ACBD6: variants seen among roughly 807,000 people sequenced by gnomAD.
The protein encoded by ACBD6 is acyl-CoA binding domain containing 6.
In ACBD6, 28 loss-of-function variants were observed where a neutral mutation model predicts 37.2. That is an observed-to-expected ratio of 0.75 (90% CI 0.56 to 1.03). The LOEUF (loss-of-function observed/expected upper bound fraction) is 1.03, where lower values mean the gene tolerates loss of function less well. Ranked by LOEUF, ACBD6 falls within the 50% of genes least tolerant of loss-of-function variation. ACBD6 has a pLI of 0.00. For synonymous variants in ACBD6, 113 were observed against 126.8 expected (o/e 0.89, Z 0.73); for missense variants, 340 against 337.4 (o/e 1.01, Z -0.06).
Position 180,478,203 on chromosome 1 carries a change from T to C in ACBD6, c.384+14066A>G, listed in dbSNP as rs549217144. 3.3e-5 allele frequency among the ~76,000 whole-genome samples: 5 copies of C among 152,204 alleles called. No homozygotes were observed. In the South Asian group the frequency reaches 6.2e-4, roughly 19 times the overall value. On this transcript the variant is annotated intron_variant, in intron 3 of 7. Transcript: ENST00000367595. ...TTATCTTTATTGAAATTATTATAAT[T>C]TTACATTAAAATGTATTTTTATTTA...
intron 5 of ACBD6, among the ~76,000 whole-genome samples, chr1:180,406,828 T>C (rs114463002): frequency 2.5e-3 from 377 of 152,276 alleles, no homozygotes; most frequent in African/African-American, 8.8e-3. Flanking sequence ...AATATCTCAA[T>C]TTCAAATATC....
At chr1:180,387,824 G>C (rs528677978) in intron 6 of ACBD6, among the ~76,000 whole-genome samples, 1 of 152,138 alleles carries the variant, frequency 6.6e-6, no homozygotes, top group East Asian at 1.9e-4. Flanking sequence ...GCACCCATTG[G>C]TATTTCTGGG....
At chr1:180,312,355 A>T (rs1020734653) in intron 7 of ACBD6, among the ~76,000 whole-genome samples, 18 of 151,824 alleles carry the variant, frequency 1.2e-4, no homozygotes, top group African/African-American at 3.6e-4. Context: ...AATGTTTTAA[A>T]TTTTTTTTAG....
chr1:180,477,476 AT>A (rs1348736734), intron 3 of ACBD6, among the ~76,000 whole-genome samples: 1 of 152,232 alleles, frequency 6.6e-6, no homozygotes, highest in Non-Finnish European at 1.5e-5. Flanking sequence ...TGTACTGAAA[AT>A]TACCTCTATA....
chr1:180,457,558 C>CA (rs974139152), intron 3 of ACBD6, among the ~76,000 whole-genome samples: 1 of 152,060 alleles, frequency 6.6e-6, no homozygotes, highest in Non-Finnish European at 1.5e-5. Context: ...CAAAAGACCT[C>CA]AAAAGCCAGA....
intron 6 of ACBD6, among the ~76,000 whole-genome samples, chr1:180,330,392 C>T (rs1651432467): frequency 1.3e-5 from 2 of 151,760 alleles, no homozygotes; most frequent in East Asian, 1.9e-4. Flanking sequence ...TGCACTCCAG[C>T]CTGGGCAACA....
chr1:180,480,709 T>TA (rs1039155688), intron 3 of ACBD6, among the ~76,000 whole-genome samples: 11 of 151,908 alleles, frequency 7.2e-5, no homozygotes, highest in African/African-American at 9.7e-5. Flanking sequence ...TGTTTAACTT[T>TA]AAAAAAAATC....
At chr1:180,421,203 T>C (rs140777227) in intron 4 of ACBD6, among the ~76,000 whole-genome samples, 14 of 152,308 alleles carry the variant, frequency 9.2e-5, no homozygotes, top group Non-Finnish European at 1.5e-4. Flanking sequence ...TGTGTGTTGT[T>C]TCCCTCCATG....
Position 180,492,373 on chromosome 1 carries a change from A to C in ACBD6, c.288-8T>G, listed in dbSNP as rs781105202. Reference sequence around the variant, plus strand: ...AGTGCTTTCCAAGCTTCCCTACAATATGGAATATCCAAAATGGCCTGTCAT... The same window carrying C: ...AGTGCTTTCCAAGCTTCCCTACAATCTGGAATATCCAAAATGGCCTGTCAT... On this transcript the variant is annotated splice_polypyrimidine_tract_variant and splice_region_variant and intron_variant, in intron 2 of 7. Transcript: ENST00000367595. The C allele has an allele frequency of 2.5e-6, 4 of 1,611,072 alleles. No individual in the cohort carries two copies. In the African/African-American group the frequency reaches 5.3e-5, roughly 22 times the overall value.
At chr1:180,454,229 C>T (rs1272943721) in intron 3 of ACBD6, among the ~76,000 whole-genome samples, 3 of 152,158 alleles carry the variant, frequency 2.0e-5, no homozygotes, top group Admixed American at 6.5e-5. Context: ...CACGTATCTA[C>T]AACCATCTGA....
At chr1:180,479,886 G>C (rs1466476128) in intron 3 of ACBD6, among the ~76,000 whole-genome samples, 3 of 152,112 alleles carry the variant, frequency 2.0e-5, no homozygotes, top group Non-Finnish European at 2.9e-5. Flanking sequence ...GTATTCAGGA[G>C]GCTGAGGTGG....
chr1:180,274,240 G>A, intron 10 of ACBD6: 1 of 1,614,206 alleles, frequency 6.2e-7, no homozygotes, highest in Non-Finnish European at 8.5e-7. Flanking sequence ...GCAACGTGGG[G>A]GACGTTACAG....
chr1:180,279,252 G>C lies in ACBD6; in HGVS notation c.*174+2054C>G, dbSNP rs1039300337. On this transcript the variant is annotated intron_variant, in intron 9 of 13. Transcript: ENST00000642319. Reference sequence around the variant, plus strand: ...CCCCAGACTTAGGAAATGAGCAGTAGAAATGTTGACCATATAACTTTTAGT... The same window carrying C: ...CCCCAGACTTAGGAAATGAGCAGTACAAATGTTGACCATATAACTTTTAGT... Among the ~76,000 whole-genome samples the C allele has an allele frequency of 5.3e-5, 8 of 152,332 alleles. No individual in the cohort carries two copies. The East Asian group carries it at 1.3e-3, about 26-fold the overall frequency.
At chr1:180,472,517 T>C (rs976651526) in intron 3 of ACBD6, among the ~76,000 whole-genome samples, 1 of 151,976 alleles carries the variant, frequency 6.6e-6, no homozygotes, top group Non-Finnish European at 1.5e-5. Context: ...GCAGGCTGGG[T>C]GGTTGTGTGT....
intron 6 of ACBD6, among the ~76,000 whole-genome samples, chr1:180,324,286 C>G (rs140975329): frequency 8.0e-4 from 121 of 152,036 alleles, no homozygotes; most frequent in Non-Finnish European, 1.3e-3. Flanking sequence ...TTCTGGTCTT[C>G]TCTTTCTTCT....
chr1:180,338,419 C>A (rs9689924), intron 6 of ACBD6, among the ~76,000 whole-genome samples: 1 of 152,106 alleles, frequency 6.6e-6, no homozygotes, highest in East Asian at 1.9e-4. Context: ...CAAAAACAAG[C>A]AATGGGGAAA....
intron 3 of ACBD6, among the ~76,000 whole-genome samples, chr1:180,470,561 G>A (rs1354346808): frequency 6.6e-6 from 1 of 152,100 alleles, no homozygotes; most frequent in Non-Finnish European, 1.5e-5. Context: ...TGAAATGAGG[G>A]CTATCTGCAA....
At chr1:180,296,795 A>G (rs1414993761) in intron 7 of ACBD6, among the ~76,000 whole-genome samples, 1 of 152,076 alleles carries the variant, frequency 6.6e-6, no homozygotes, top group Non-Finnish European at 1.5e-5. Context: ...GGATTTTCAT[A>G]ACTAGAAAGG....
intron 6 of ACBD6, among the ~76,000 whole-genome samples, chr1:180,355,121 CAT>C (rs1269901160): frequency 6.6e-6 from 1 of 152,170 alleles, no homozygotes; most frequent in Non-Finnish European, 1.5e-5. Flanking sequence ...GCAATTTTTA[CAT>C]GAGTTCTTTT....
Sources: gnomAD v4.1 joint callset for allele counts (sites outside exome capture counted in the v4.1 genomes callset) on GRCh38, gnomAD v4.1.1 for gene constraint, MANE v1.5 for transcripts, NCBI Gene and HGNC (gene_info 2026-07-23, HGNC 2026-07-21) for gene names.